Variants in ROCK1 observed in about 807,000 individuals in gnomAD.
ROCK1 encodes rho-associated protein kinase 1.
ROCK1 carries 36 observed loss-of-function variants against 196.8 expected under a neutral mutation model. The observed-to-expected ratio is 0.18, with a 90% CI of 0.14 to 0.24. The LOEUF is 0.24. ROCK1 is among the 10% of genes least tolerant of loss of function. The pLI, the probability that ROCK1 is intolerant of heterozygous loss-of-function variation, is 1.00. For synonymous variants in ROCK1, 443 were observed against 515.9 expected, an observed-to-expected ratio of 0.86 and a Z score of 1.91; for missense variants, 920 against 1,562.0, an observed-to-expected ratio of 0.59 and a Z score of 6.93.
chr18:21,082,193 G>C (rs751960579), intron 1 of ROCK1, among the ~76,000 whole-genome samples: 10 of 151,954 alleles, frequency 6.6e-5, no homozygotes, highest in Admixed American at 6.6e-5. Context: ...GTTTGCCTTG[G>C]CCTCCCAAAG....
intron 9 of ROCK1, among the ~76,000 whole-genome samples, chr18:21,030,798 T>C (rs1450479098): frequency 3.3e-5 from 5 of 152,092 alleles, no homozygotes; most frequent in Admixed American, 6.6e-5. Context: ...GAAATCATGT[T>C]CCATAAAAAA....
intron 2 of ROCK1, among the ~76,000 whole-genome samples, chr18:21,052,680 C>T (rs1378333944): frequency 6.6e-6 from 1 of 152,118 alleles, no homozygotes; most frequent in Non-Finnish European, 1.5e-5. Context: ...GGGGCACAAA[C>T]CCTATTGTGA....
chr18:21,033,757 G>A (rs1448941479), intron 9 of ROCK1, among the ~76,000 whole-genome samples: 4 of 147,032 alleles, frequency 2.7e-5, no homozygotes, highest in African/African-American at 7.6e-5. Flanking sequence ...GGTGGCTCAC[G>A]CCTGTAATCC....
intron 18 of ROCK1, 25 bp from the exon 19 acceptor site, chr18:20,987,135 A>C (rs1417666676): frequency 6.2e-7 from 1 of 1,603,838 alleles, no homozygotes. Flanking sequence ...AGTTACAAAC[A>C]TACATTTAAA....
chr18:20,951,690 A>G (rs1449111134), intron 32 of ROCK1, among the ~76,000 whole-genome samples: 1 of 152,186 alleles, frequency 6.6e-6, no homozygotes, highest in Non-Finnish European at 1.5e-5. Context: ...AGGTGATAAT[A>G]CCTGGCATAG....
chr18:21,084,311 CAGTATTAACAG>C (rs2143574652), intron 1 of ROCK1, among the ~76,000 whole-genome samples: 1 of 149,336 alleles, frequency 6.7e-6, no homozygotes, highest in South Asian at 2.1e-4. Flanking sequence ...CATCAAAGAA[CAGTATTAACAG>C]AGTGAAATGG....
At chr18:21,075,386 C>A (rs955835807) in intron 1 of ROCK1, among the ~76,000 whole-genome samples, 8 of 152,146 alleles carry the variant, frequency 5.3e-5, no homozygotes, top group African/African-American at 1.4e-4. Flanking sequence ...ACAGTGACTT[C>A]ATTAACCAAG....
At chr18:21,038,959 A>G (rs1306006464) in intron 9 of ROCK1, among the ~76,000 whole-genome samples, 1 of 152,166 alleles carries the variant, frequency 6.6e-6, no homozygotes, top group Non-Finnish European at 1.5e-5. Context: ...TATACAATAC[A>G]TTTTTGTTTC....
chr18:21,022,158 C>T (rs528885977), intron 11 of ROCK1, among the ~76,000 whole-genome samples: 2 of 152,036 alleles, frequency 1.3e-5, no homozygotes, highest in East Asian at 1.9e-4. Context: ...TGTGCCCCCC[C>T]ACAAAAAAAT....
At position 20,967,749 on chromosome 18, in the gene ROCK1, T is replaced by C; in HGVS notation, c.3192+3A>G. The C allele has an allele frequency of 6.3e-7, 1 of 1,586,630 alleles. No homozygotes were observed. The highest frequency in any genetic ancestry group is 2.2e-5 in the East Asian group (1 of 44,512). On this transcript the variant is annotated splice_donor_region_variant and intron_variant, in intron 26 of 32. Transcript: ENST00000399799. ...CATATCCATACACACACAGAAACCT[T>C]ACCGCTTGCATGTCATTCAGTTCCT...
intron 13 of ROCK1, among the ~76,000 whole-genome samples, chr18:21,008,424 C>G (rs2035787004): frequency 6.6e-6 from 1 of 152,198 alleles, no homozygotes; most frequent in African/African-American, 2.4e-5. Flanking sequence ...CAGGGACGCA[C>G]CACTGCGTCC....
At chr18:21,065,475 GT>G (rs1490284420) in intron 2 of ROCK1, among the ~76,000 whole-genome samples, 1 of 151,636 alleles carries the variant, frequency 6.6e-6, no homozygotes, top group African/African-American at 2.4e-5. Flanking sequence ...ACTAAGATTT[GT>G]TTGATAAACA....
At chr18:21,083,612 T>A (rs1163514865) in intron 1 of ROCK1, among the ~76,000 whole-genome samples, 1 of 152,186 alleles carries the variant, frequency 6.6e-6, no homozygotes, top group Non-Finnish European at 1.5e-5. Context: ...GTGAAGATGG[T>A]GAATATGAAG....
intron 11 of ROCK1, 66 bp downstream of exon 11, chr18:21,023,554 C>T: frequency 1.2e-6 from 1 of 846,616 alleles, no homozygotes; most frequent in Non-Finnish European, 1.8e-6. Context: ...TACTATCATA[C>T]CCACAAATAT....
At chr18:21,076,578 A>C (rs965194172) in intron 1 of ROCK1, among the ~76,000 whole-genome samples, 6 of 152,124 alleles carry the variant, frequency 3.9e-5, no homozygotes, top group African/African-American at 1.4e-4. Context: ...ACACACATAA[A>C]AATTTTTGTA....
intron 11 of ROCK1, among the ~76,000 whole-genome samples, chr18:21,021,313 G>T (rs1356473000): frequency 6.6e-6 from 1 of 152,158 alleles, no homozygotes; most frequent in Admixed American, 6.5e-5. Flanking sequence ...AAGCAAGCTG[G>T]ACATGAATGA....
intron 2 of ROCK1, among the ~76,000 whole-genome samples, chr18:21,061,942 A>C (rs1381771942): frequency 6.6e-6 from 1 of 152,246 alleles, no homozygotes; most frequent in Non-Finnish European, 1.5e-5. Flanking sequence ...GGCAAGGGCA[A>C]AAGCTAGAAT....
At chr18:20,957,519 C>T (rs571986746) in intron 29 of ROCK1, among the ~76,000 whole-genome samples, 56 of 151,436 alleles carry the variant, frequency 3.7e-4, no homozygotes, top group Non-Finnish European at 5.9e-5. Flanking sequence ...CTCGCTCTGT[C>T]ACCCGGGCTG....
intron 29 of ROCK1, among the ~76,000 whole-genome samples, chr18:20,957,335 C>T (rs2035252427): frequency 2.0e-5 from 3 of 152,210 alleles, no homozygotes; most frequent in Admixed American, 2.0e-4. Context: ...ATACAGACAC[C>T]ACCACAGGTG....
Sources: gnomAD v4.1 joint callset for allele counts (sites outside exome capture counted in the v4.1 genomes callset) on GRCh38, gnomAD v4.1.1 for gene constraint, MANE v1.5 for transcripts, NCBI Gene and HGNC (gene_info 2026-07-23, HGNC 2026-07-21) for gene names.